ABI3BP: variants seen among roughly 807,000 people sequenced by gnomAD.
ABI3BP encodes ABI family member 3 binding protein.
A neutral mutation model predicts 268.6 loss-of-function variants in ABI3BP; 216 were observed. The ratio of observed to expected loss-of-function variants is 0.80; its 90% confidence interval spans 0.72 to 0.90. ABI3BP has a LOEUF of 0.90. Ranked by LOEUF, ABI3BP falls within the 40% of genes least tolerant of loss-of-function variation. The pLI is 0.00. For missense variants in ABI3BP, 2,090 were observed against 2,182.4 expected (o/e 0.96, Z 0.84); for synonymous variants, 730 against 730.0 (o/e 1.00, Z 0.00).
intron 4 of ABI3BP, among the ~76,000 whole-genome samples, chr3:100,893,133 C>T (rs558052205): frequency 3.3e-5 from 5 of 152,264 alleles, no homozygotes; most frequent in South Asian, 4.1e-4. Context: ...TCCATCTTTC[C>T]CCTGTGCTGG....
intron 4 of ABI3BP, among the ~76,000 whole-genome samples, chr3:100,898,119 T>C (rs55943220): frequency 2.0e-4 from 30 of 152,346 alleles, no homozygotes; most frequent in Non-Finnish European, 4.3e-4. Flanking sequence ...CCATTTGTTC[T>C]TCCAAAGAAA....
chr3:100,983,958 G>A (rs1244661115), intron 1 of ABI3BP, among the ~76,000 whole-genome samples: 1 of 152,066 alleles, frequency 6.6e-6, no homozygotes, highest in Non-Finnish European at 1.5e-5. Flanking sequence ...CAGCATAAAA[G>A]TAAAAATCAC....
intron 30 of ABI3BP, 32 bp downstream of exon 30, chr3:100,833,093 A>C: frequency 2.0e-6 from 3 of 1,523,114 alleles, no homozygotes; most frequent in Non-Finnish European, 1.8e-6. Context: ...AGTAAGAAAA[A>C]GGACTTGCTG....
chr3:100,752,188 T>C (rs965558151), intron 66 of ABI3BP, among the ~76,000 whole-genome samples: 3 of 152,220 alleles, frequency 2.0e-5, no homozygotes, highest in Non-Finnish European at 2.9e-5. Flanking sequence ...TGTTTACTTA[T>C]TTATGTATTG....
intron 20 of ABI3BP, among the ~76,000 whole-genome samples, chr3:100,845,331 T>G (rs2098754376): frequency 6.6e-6 from 1 of 152,210 alleles, no homozygotes; most frequent in South Asian, 2.1e-4. Flanking sequence ...TCCATTTCTC[T>G]GACTTGGAGA....
intron 51 of ABI3BP, 106 bp from the exon 52 acceptor site, chr3:100,796,574 A>AT (rs1183687712): frequency 1.3e-6 from 1 of 775,654 alleles, no homozygotes; most frequent in Admixed American, 3.5e-5. Flanking sequence ...AAGCAAAAGT[A>AT]TTTTTACAAT....
At chr3:100,751,132 A>G (rs893269983) in intron 67 of ABI3BP, among the ~76,000 whole-genome samples, 3 of 152,100 alleles carry the variant, frequency 2.0e-5, no homozygotes, top group Non-Finnish European at 2.9e-5. Context: ...TTTCCCACAG[A>G]ATTATTCTAA....
chr3:100,822,089 T>C (rs1321717313), intron 38 of ABI3BP, among the ~76,000 whole-genome samples: 1 of 152,140 alleles, frequency 6.6e-6, no homozygotes, highest in Non-Finnish European at 1.5e-5. Context: ...AAGCACATCT[T>C]GTTGATAGCA....
intron 1 of ABI3BP, among the ~76,000 whole-genome samples, chr3:100,950,483 G>A (rs2074457157): frequency 6.7e-6 from 1 of 150,034 alleles, no homozygotes; most frequent in Non-Finnish European, 1.5e-5. Flanking sequence ...GGTGAGTCAG[G>A]AATGGTATCA....
At chr3:100,756,591 A>G (rs1290267336) in intron 63 of ABI3BP, among the ~76,000 whole-genome samples, 1 of 152,206 alleles carries the variant, frequency 6.6e-6, no homozygotes, top group Non-Finnish European at 1.5e-5. Context: ...GAAAAAAAGA[A>G]ATCATAGCCA....
In ABI3BP at chr3:100,817,444, G is replaced by C. The variant is rs1006481351; in HGVS notation, c.3140C>G (p.Thr1047Arg). 1 of 1,512,682 alleles carries C rather than the reference G, an allele frequency of 6.6e-7. No individual in the cohort carries two copies. Among genetic ancestry groups the C allele is most frequent in the African/African-American group, 1.4e-5 (1 of 72,676 alleles). 93.7% of individuals were successfully genotyped at this position (1,512,682 alleles called of 1,614,324 possible). ...ACACAGAATATCATTACCTAACGTT[G>C]TTTCTGGAAACTTGGTTCTAAAAGT... The part of the protein sequence containing the change: ...PDTFRTKFPE[T>R]TLAPKTQRTR... Residue 1047 changes from threonine (T) to arginine (R), a missense_variant, in exon 42 of 68, where the codon ACA (threonine) becomes AGA (arginine). Coordinates refer to ENST00000471714, the MANE Select transcript of ABI3BP (RefSeq NM_001375547.2).
At chr3:100,949,622 T>C (rs907759975) in intron 1 of ABI3BP, among the ~76,000 whole-genome samples, 1 of 152,208 alleles carries the variant, frequency 6.6e-6, no homozygotes, top group Non-Finnish European at 1.5e-5. Context: ...AAGGTATTGA[T>C]CTTATAAAGT....
intron 43 of ABI3BP, 167 bp from the exon 44 acceptor site, chr3:100,816,138 G>T: frequency 1.8e-6 from 1 of 553,230 alleles, no homozygotes. Flanking sequence ...ACACTAGCTA[G>T]AACAATTCAT....
At chr3:100,834,794 A>G (rs917149350) in intron 28 of ABI3BP, 21 bp from the exon 29 acceptor site, 6 of 1,532,222 alleles carry the variant, frequency 3.9e-6, no homozygotes, top group Non-Finnish European at 3.5e-6. Flanking sequence ...GAAACTGGTT[A>G]TTGTAGTCAT....
At chr3:100,843,562 AGAGAGG>A (rs1418412174) in intron 20 of ABI3BP, 1 of 979,604 alleles carries the variant, frequency 1.0e-6, no homozygotes, top group Admixed American at 6.3e-5. Flanking sequence ...AGAGAGAGAG[AGAGAGG>A]GAAGGGGAGA....
At position 100,960,914 on chromosome 3, in the gene ABI3BP, A is replaced by C. The variant is rs147301707; in HGVS notation, c.79+32392T>G. Among the ~76,000 whole-genome samples, 393 of 152,344 alleles carry C rather than the reference A, an allele frequency of 2.6e-3. 1 individual carries two copies. The highest frequency in any genetic ancestry group is 9.0e-3 in the African/African-American group (373 of 41,578). On this transcript the variant is annotated intron_variant, in intron 1 of 67. Coordinates refer to ENST00000471714, the MANE Select transcript of ABI3BP (RefSeq NM_001375547.2). ...CACCCTCCAGATAAGAGCCCATGCC[A>C]GCTGACACTTTCATTTCAGTCTTGT...
At chr3:100,897,654 G>A (rs1268967453) in intron 4 of ABI3BP, among the ~76,000 whole-genome samples, 4 of 152,122 alleles carry the variant, frequency 2.6e-5, no homozygotes, top group Non-Finnish European at 5.9e-5. Flanking sequence ...GTTTCTGGAG[G>A]AAAGTACTTT....
intron 1 of ABI3BP, among the ~76,000 whole-genome samples, chr3:100,973,280 AG>A (rs1406103849): frequency 2.6e-5 from 4 of 152,196 alleles, no homozygotes; most frequent in Non-Finnish European, 5.9e-5. Flanking sequence ...CATAAAACAA[AG>A]TTATGTACTG....
intron 1 of ABI3BP, among the ~76,000 whole-genome samples, chr3:100,951,557 T>G (rs547915969): frequency 1.3e-5 from 2 of 152,026 alleles, no homozygotes; most frequent in Non-Finnish European, 2.9e-5. Context: ...CTGACACTTT[T>G]GTTGATGCGG....
Sources: gnomAD v4.1 joint callset for allele counts (sites outside exome capture counted in the v4.1 genomes callset) on GRCh38, gnomAD v4.1.1 for gene constraint, MANE v1.5 for transcripts, NCBI Gene and HGNC (gene_info 2026-07-23, HGNC 2026-07-21) for gene names.